Variants in ZRANB3 observed in about 807,000 individuals in gnomAD.
ZRANB3 encodes zinc finger RANBP2-type containing 3.
A neutral mutation model predicts 133.8 loss-of-function variants in ZRANB3; 125 were observed. That is an observed-to-expected ratio of 0.93 (90% CI 0.81 to 1.08). ZRANB3 has a LOEUF of 1.08. ZRANB3 is among the 50% of genes least tolerant of loss of function. The probability of loss-of-function intolerance (pLI) is 0.00; values close to 1 mark genes in which losing one functional copy is unlikely to be tolerated. For missense variants in ZRANB3, 1,229 were observed against 1,275.5 expected, an observed-to-expected ratio of 0.96 and a Z score of 0.56; for synonymous variants, 387 against 432.7, an observed-to-expected ratio of 0.89 and a Z score of 1.31.
In ZRANB3 at chr2:135,523,518, C is replaced by T. The variant is rs1470979527; in HGVS notation, c.-8+7609G>A. On this transcript the variant is annotated intron_variant, in intron 1 of 20. Transcript: ENST00000264159. ...TTTATTTCAGGACTCTAGCATCTAGCATCAGCCTGATTAACGGAAACAATA... is the reference window on the plus strand; with the variant it reads ...TTTATTTCAGGACTCTAGCATCTAGTATCAGCCTGATTAACGGAAACAATA... Among the ~76,000 whole-genome samples, 5 of 152,202 alleles carry T rather than the reference C, an allele frequency of 3.3e-5. No homozygotes were observed. The East Asian group carries it at 9.6e-4, about 29-fold the overall frequency.
intron 3 of ZRANB3, among the ~76,000 whole-genome samples, chr2:135,354,379 A>C (rs1049521964): frequency 2.0e-5 from 3 of 152,224 alleles, no homozygotes; most frequent in African/African-American, 7.2e-5. Context: ...AACTCGTATG[A>C]GATCCCAGGT....
At chr2:135,368,081 A>C (rs1686015407) in intron 3 of ZRANB3, among the ~76,000 whole-genome samples, 1 of 152,102 alleles carries the variant, frequency 6.6e-6, no homozygotes. Flanking sequence ...TAATCTATAA[A>C]AAGAAATGAG....
chr2:135,428,210 A>G (rs533246490), intron 2 of ZRANB3, among the ~76,000 whole-genome samples: 117 of 152,262 alleles, frequency 7.7e-4, no homozygotes, highest in African/African-American at 2.6e-3. Context: ...TGCAAGTCAG[A>G]GGCAGGTGGA....
At chr2:135,224,120 G>A (rs1694662407) in intron 15 of ZRANB3, among the ~76,000 whole-genome samples, 2 of 152,052 alleles carry the variant, frequency 1.3e-5, no homozygotes, top group Admixed American at 1.3e-4. Flanking sequence ...AATCACATCA[G>A]GGTAAATGGG....
chr2:135,521,207 T>C (rs1366026286), intron 1 of ZRANB3, among the ~76,000 whole-genome samples: 1 of 152,234 alleles, frequency 6.6e-6, no homozygotes, highest in African/African-American at 2.4e-5. Context: ...ATTTTTGCCA[T>C]TATGCAACAT....
intron 1 of ZRANB3, chr2:135,511,034 C>T: frequency 1.3e-6 from 1 of 779,312 alleles, no homozygotes; most frequent in South Asian, 1.3e-5. Context: ...GTTGTTCTCA[C>T]ATCCTTTGAT....
At chr2:135,456,887 T>C (rs1241294362) in intron 2 of ZRANB3, among the ~76,000 whole-genome samples, 1 of 152,198 alleles carries the variant, frequency 6.6e-6, no homozygotes, top group Non-Finnish European at 1.5e-5. Context: ...AATTCTGAAA[T>C]AGAGAAGACT....
At chr2:135,285,033 C>T (rs995080262) in intron 8 of ZRANB3, among the ~76,000 whole-genome samples, 6 of 151,518 alleles carry the variant, frequency 4.0e-5, no homozygotes, top group Non-Finnish European at 5.9e-5. Flanking sequence ...TTAGTAGAAA[C>T]GGGGTTTCTC....
chr2:135,429,967 G>C (rs1417577962), intron 2 of ZRANB3, among the ~76,000 whole-genome samples: 2 of 152,082 alleles, frequency 1.3e-5, no homozygotes, highest in Non-Finnish European at 2.9e-5. Flanking sequence ...AGGATCGCTT[G>C]AGCCCAGTAG....
intron 2 of ZRANB3, among the ~76,000 whole-genome samples, chr2:135,412,502 T>C (rs1161296030): frequency 6.6e-6 from 1 of 152,136 alleles, no homozygotes; most frequent in African/African-American, 2.4e-5. Context: ...TATATTTTCG[T>C]TTTTAACTAC....
chr2:135,378,353 T>C lies in ZRANB3; in HGVS notation c.180+12449A>G, dbSNP rs113353853. On this transcript the variant is annotated intron_variant, in intron 3 of 20. Coordinates refer to ENST00000264159, the MANE Select transcript of ZRANB3 (RefSeq NM_032143.4). ...ACTAAAAATACAAAGATTAGCCAGG[T>C]GTAGTGGTGGGTGCCTGTAATCCCA... Among the ~76,000 whole-genome samples the C allele has an allele frequency of 2.9e-3, 448 of 152,000 alleles. 2 individuals are homozygous for C. The highest frequency in any genetic ancestry group is 0.01 in the African/African-American group (417 of 41,480).
chr2:135,377,923 G>A (rs1168230104), intron 3 of ZRANB3, among the ~76,000 whole-genome samples: 1 of 152,164 alleles, frequency 6.6e-6, no homozygotes, highest in Non-Finnish European at 1.5e-5. Context: ...ATGGTGGCTA[G>A]AATATAAGCA....
intron 11 of ZRANB3, among the ~76,000 whole-genome samples, chr2:135,267,732 C>T (rs1011070847): frequency 6.6e-6 from 1 of 152,022 alleles, no homozygotes; most frequent in Non-Finnish European, 1.5e-5. Flanking sequence ...AACATATGAT[C>T]GGCCATTTTA....
intron 2 of ZRANB3, among the ~76,000 whole-genome samples, chr2:135,395,440 T>G: frequency 7.5e-6 from 1 of 133,972 alleles, no homozygotes; most frequent in South Asian, 2.4e-4. Context: ...GGGCAAAGAT[T>G]TCTTTTTTTT....
intron 3 of ZRANB3, among the ~76,000 whole-genome samples, chr2:135,366,683 AAAGAG>A (rs1685953722): frequency 1.3e-5 from 2 of 152,160 alleles, no homozygotes; most frequent in Admixed American, 6.5e-5. Flanking sequence ...TAAGAAAAAG[AAAGAG>A]AAAACTATCA....
intron 8 of ZRANB3, among the ~76,000 whole-genome samples, chr2:135,276,367 G>C (rs979836157): frequency 1.5e-4 from 23 of 151,940 alleles, no homozygotes; most frequent in African/African-American, 5.3e-4. Flanking sequence ...TTCCAGAAGA[G>C]GCTGGAGTGA....
At chr2:135,315,551 CAT>C (rs1161830484) in intron 6 of ZRANB3, 21 bp from the exon 7 acceptor site, 2 of 1,410,064 alleles carry the variant, frequency 1.4e-6, no homozygotes, top group African/African-American at 1.5e-5. Context: ...GAAGACAAAA[CAT>C]GTAGCAAAAT....
intron 12 of ZRANB3, among the ~76,000 whole-genome samples, chr2:135,234,372 C>T (rs903921575): frequency 6.6e-6 from 1 of 152,104 alleles, no homozygotes; most frequent in Non-Finnish European, 1.5e-5. Flanking sequence ...ACTGTCAACA[C>T]TAGACAGATC....
At chr2:135,217,770 A>T (rs1280635898) in intron 16 of ZRANB3, among the ~76,000 whole-genome samples, 163 bp from the exon 17 acceptor site, 1 of 152,182 alleles carries the variant, frequency 6.6e-6, no homozygotes, top group African/African-American at 2.4e-5. Flanking sequence ...TGCAGTTTTC[A>T]TATCTTTATT....
Sources: allele counts gnomAD v4.1 joint callset (sites outside exome capture counted in the v4.1 genomes callset), GRCh38; gene constraint gnomAD v4.1.1; transcripts MANE v1.5; gene names NCBI Gene and HGNC (gene_info 2026-07-23, HGNC 2026-07-21).